Variants in PTPRD observed in about 807,000 individuals in gnomAD.
PTPRD encodes protein tyrosine phosphatase receptor type D.
A neutral mutation model predicts 214.5 loss-of-function variants in PTPRD; 34 were observed. The ratio of observed to expected loss-of-function variants is 0.16; its 90% CI spans 0.12 to 0.21. The LOEUF is 0.21. Among genes scored for constraint, PTPRD ranks in the 10% least tolerant of loss-of-function variants. PTPRD has a pLI of 1.00. For missense variants in PTPRD, 2,545 were observed against 2,398.7 expected, an observed-to-expected ratio of 1.06 and a Z score of -1.27; for synonymous variants, 1,128 against 845.7, an observed-to-expected ratio of 1.33 and a Z score of -5.79.
chr9:9,743,114 A>G (rs981178739), intron 6 of PTPRD, among the ~76,000 whole-genome samples: 1 of 152,086 alleles, frequency 6.6e-6, no homozygotes. Flanking sequence ...TTCTCTCTAC[A>G]TCCCCCTGCA....
At chr9:9,845,338 T>C (rs1599568585) in intron 5 of PTPRD, among the ~76,000 whole-genome samples, 1 of 150,492 alleles carries the variant, frequency 6.6e-6, no homozygotes, top group Admixed American at 6.7e-5. Context: ...CTGACATAAC[T>C]TGAATGATCT....
chr9:9,860,584 T>G (rs924114610), intron 5 of PTPRD, among the ~76,000 whole-genome samples: 2 of 152,192 alleles, frequency 1.3e-5, no homozygotes, highest in Non-Finnish European at 2.9e-5. Context: ...ATGCCTAGCT[T>G]GCAAGAATAC....
At chr9:9,375,308 A>G (rs2060493899) in intron 9 of PTPRD, among the ~76,000 whole-genome samples, 1 of 152,152 alleles carries the variant, frequency 6.6e-6, no homozygotes, top group African/African-American at 2.4e-5. Flanking sequence ...CTTAAAAAAG[A>G]ATGAAAATGG....
intron 8 of PTPRD, among the ~76,000 whole-genome samples, chr9:9,481,692 T>C (rs990105887): frequency 6.6e-6 from 1 of 152,068 alleles, no homozygotes; most frequent in Non-Finnish European, 1.5e-5. Flanking sequence ...CGAAAATGCC[T>C]AGAGCTCGCA....
Position 10,160,454 on chromosome 9 carries a change from C to T in PTPRD, c.-544-126664G>A, listed in dbSNP as rs1575262. Among the ~76,000 whole-genome samples the T allele has an allele frequency of 9.0e-3, 1,368 of 151,970 alleles. 13 individuals are homozygous for T. The highest frequency in any genetic ancestry group is 0.013 in the Non-Finnish European group (872 of 67,812). On this transcript the variant is annotated intron_variant, in intron 3 of 45. Coordinates refer to ENST00000381196, the MANE Select transcript of PTPRD (RefSeq NM_002839.4). ...ATGAATACCAATTCTTCTCAAAGAT[C>T]ATAGCAGAACCAAGAACAAAAACCA... is the stretch of plus-strand genomic sequence containing the variant.
chr9:9,213,944 T>C, intron 9 of PTPRD, among the ~76,000 whole-genome samples: 1 of 146,542 alleles, frequency 6.8e-6, no homozygotes. Flanking sequence ...CTCACTTTTC[T>C]AGAATATCTT....
At chr9:10,104,811 A>C (rs2098607171) in intron 3 of PTPRD, among the ~76,000 whole-genome samples, 2 of 151,928 alleles carry the variant, frequency 1.3e-5, no homozygotes, top group South Asian at 4.1e-4. Flanking sequence ...CCAAGTATTT[A>C]AGAAGCAACA....
At chr9:10,180,679 G>C (rs1335192489) in intron 3 of PTPRD, among the ~76,000 whole-genome samples, 1 of 148,762 alleles carries the variant, frequency 6.7e-6, no homozygotes, top group African/African-American at 2.5e-5. Flanking sequence ...AAATAGATTA[G>C]CTTACCAAAT....
At chr9:9,153,093 A>T (rs2099878263) in intron 10 of PTPRD, among the ~76,000 whole-genome samples, 1 of 152,202 alleles carries the variant, frequency 6.6e-6, no homozygotes, top group African/African-American at 2.4e-5. Context: ...CATTCTGGTT[A>T]GGAGGGGCAC....
intron 2 of PTPRD, among the ~76,000 whole-genome samples, chr9:10,381,813 A>T (rs918028948): frequency 6.6e-6 from 1 of 151,968 alleles, no homozygotes; most frequent in Non-Finnish European, 1.5e-5. Context: ...GGCTTATTAT[A>T]ACTGCTAGGT....
intron 7 of PTPRD, among the ~76,000 whole-genome samples, chr9:9,579,031 A>T (rs189559530): frequency 6.6e-6 from 1 of 152,258 alleles, no homozygotes. Context: ...CACATTTTTA[A>T]TCCAAGGAGT....
chr9:9,586,417 A>G (rs995189637), intron 7 of PTPRD, among the ~76,000 whole-genome samples: 1 of 152,028 alleles, frequency 6.6e-6, no homozygotes, highest in African/African-American at 2.4e-5. Context: ...CAGTAAGATT[A>G]TAATTCTTGA....
At chr9:9,462,014 T>G (rs1478240450) in intron 8 of PTPRD, among the ~76,000 whole-genome samples, 2 of 152,188 alleles carry the variant, frequency 1.3e-5, no homozygotes, top group African/African-American at 2.4e-5. Flanking sequence ...GTAGTTGCCA[T>G]AACTTATTAA....
rs2099122970 is a variant in PTPRD at position 10,160,795 on chromosome 9, G to A, written c.-544-127005C>T. Among the ~76,000 whole-genome samples the A allele has an allele frequency of 2.6e-5, 4 of 151,824 alleles. No homozygotes were observed. The South Asian group carries it at 8.3e-4, about 31-fold the overall frequency. ...AGAAAAACTAAAATTAGTCTTGTTT[G>A]CACATGCATGATCTTATACCTAGAA... On this transcript the variant is annotated intron_variant, in intron 3 of 45. Coordinates refer to ENST00000381196, the MANE Select transcript of PTPRD (RefSeq NM_002839.4).
chr9:8,495,138 T>C (rs1464752168), intron 26 of PTPRD, among the ~76,000 whole-genome samples: 1 of 152,220 alleles, frequency 6.6e-6, no homozygotes, highest in Non-Finnish European at 1.5e-5. Flanking sequence ...TCCAGTGGCA[T>C]ATACATTGTA....
intron 14 of PTPRD, among the ~76,000 whole-genome samples, chr9:8,543,894 T>A (rs925033158): frequency 5.9e-5 from 9 of 152,028 alleles, no homozygotes; most frequent in African/African-American, 2.2e-4. Context: ...CTATTTTTAG[T>A]AGAGACGGGG....
intron 9 of PTPRD, among the ~76,000 whole-genome samples, chr9:9,363,346 G>T (rs748339603): frequency 1.3e-5 from 2 of 150,808 alleles, no homozygotes; most frequent in Non-Finnish European, 3.0e-5. Flanking sequence ...TATACAAGCT[G>T]GCATCATATC....
rs570101848 is a variant in PTPRD, at chr9:10,593,742, T to C, written c.-600+18656A>G. Among the ~76,000 whole-genome samples, 4 of 152,126 alleles carry C rather than the reference T, an allele frequency of 2.6e-5. No homozygotes were observed. In the South Asian group the frequency reaches 6.2e-4, roughly 24 times the overall value. On this transcript the variant is annotated intron_variant, in intron 2 of 45. Coordinates refer to ENST00000381196, the MANE Select transcript of PTPRD (RefSeq NM_002839.4). The stretch of plus-strand genomic sequence containing the variant: ...GATCCAGAGAAATGTTAATGAATGA[T>C]TTTAAAATGAAGGGAAAATCTTGAA...
intron 9 of PTPRD, among the ~76,000 whole-genome samples, chr9:9,193,772 G>A (rs901851725): frequency 1.3e-5 from 2 of 152,100 alleles, no homozygotes; most frequent in African/African-American, 2.4e-5. Context: ...GTCTGTGAGC[G>A]AGTGATGAGT....
Sources: gnomAD v4.1 joint callset for allele counts (sites outside exome capture counted in the v4.1 genomes callset) on GRCh38, gnomAD v4.1.1 for gene constraint, MANE v1.5 for transcripts, NCBI Gene and HGNC (gene_info 2026-07-23, HGNC 2026-07-21) for gene names.